MAF1: variants seen among roughly 807,000 people sequenced by gnomAD.
MAF1 encodes MAF1 negative regulator of RNA polymerase III, also known as repressor of RNA polymerase III transcription MAF1 homolog.
A neutral mutation model predicts 31.9 loss-of-function variants in MAF1; 7 were observed. That is an observed-to-expected ratio of 0.22 (90% CI 0.12 to 0.41). The LOEUF is 0.41. MAF1 is among the 10% of genes least tolerant of loss of function. The pLI is 1.00. For synonymous variants in MAF1, 157 were observed against 120.0 expected (o/e 1.31, Z -2.02); for missense variants, 221 against 323.1 (o/e 0.68, Z 2.42).
intron 3 of MAF1, 30 bp from the exon 4 acceptor site, chr8:144,106,046 T>A (rs1291126208): frequency 6.2e-7 from 1 of 1,613,324 alleles, no homozygotes; most frequent in African/African-American, 1.3e-5. Context: ...GGGGAGGTGA[T>A]GGGCCCAGCT....
chr8:144,106,290 C>G, intron 4 of MAF1, 49 bp downstream of exon 4: 1 of 1,612,858 alleles, frequency 6.2e-7, no homozygotes, highest in Non-Finnish European at 8.5e-7. Context: ...CACTGTCCTT[C>G]CCCACTTTGG....
At position 144,106,538 on chromosome 8, in the gene MAF1, C is replaced by A; in HGVS notation, c.501-17C>A. 1 of 1,613,942 alleles carries A rather than the reference C, an allele frequency of 6.2e-7. No homozygotes were observed. Among genetic ancestry groups the A allele is most frequent in the Non-Finnish European group, 8.5e-7 (1 of 1,180,032 alleles). On this transcript the variant is annotated splice_polypyrimidine_tract_variant and intron_variant, in intron 5 of 7. Coordinates refer to ENST00000322428, the MANE Select transcript of MAF1 (RefSeq NM_032272.5). ...GCACTTGGCGCCTCACACCACCTGTCACCCTATACTCCCCAGCTATAACCC... is the reference window on the plus strand; with the variant it reads ...GCACTTGGCGCCTCACACCACCTGTAACCCTATACTCCCCAGCTATAACCC...
chr8:144,107,063 C>T, intron 7 of MAF1, 25 bp from the exon 8 acceptor site: 1 of 1,572,708 alleles, frequency 6.4e-7, no homozygotes, highest in Admixed American at 1.8e-5. Flanking sequence ...TCCTGAAGGC[C>T]CACTGTGTGC....
intron 1 of MAF1, chr8:144,105,415 C>G (rs943008405): frequency 1.9e-6 from 1 of 515,304 alleles, no homozygotes; most frequent in Non-Finnish European, 3.5e-6. Context: ...CTCGCGTGTT[C>G]TGCAGGGGGT....
rs201456256 is a variant in MAF1, at chr8:144,107,153, G to A, written c.*44G>A. ...CCAGCTTCATCCAGCTTCAACCAATGCCTGGACCTGTCCACCTGAGAGGCC... is the reference window on the plus strand; with the variant it reads ...CCAGCTTCATCCAGCTTCAACCAATACCTGGACCTGTCCACCTGAGAGGCC... On this transcript the variant is annotated 3_prime_UTR_variant, in exon 8 of 8. Coordinates refer to ENST00000322428, the MANE Select transcript of MAF1 (RefSeq NM_032272.5). The A allele has an allele frequency of 2.8e-5, 44 of 1,551,774 alleles. No individual in the cohort carries two copies. The Admixed American group carries it at 8.4e-4, about 30-fold the overall frequency.
chr8:144,105,602 C>T, intron 1 of MAF1, 38 bp from the exon 2 acceptor site: 3 of 1,308,450 alleles, frequency 2.3e-6, no homozygotes, highest in Non-Finnish European at 2.2e-6. Flanking sequence ...CCCCAAGGGG[C>T]CAGATAGATA....
chr8:144,106,319 C>G (rs1214271925), intron 4 of MAF1, 24 bp from the exon 5 acceptor site: 1 of 1,612,736 alleles, frequency 6.2e-7, no homozygotes, highest in Non-Finnish European at 8.5e-7. Flanking sequence ...GGGCTCCTGT[C>G]ACCCTGACTG....
chr8:144,105,377 TC>T, intron 1 of MAF1: 1 of 393,924 alleles, frequency 2.5e-6, no homozygotes, highest in Non-Finnish European at 4.7e-6. Context: ...GTGAGCAGGG[TC>T]CCCGGTGGTC....
At chr8:144,106,781 CCAG>C (rs1273933038) in intron 6 of MAF1, 51 bp from the exon 7 acceptor site, 7 of 1,559,122 alleles carry the variant, frequency 4.5e-6, no homozygotes, top group Non-Finnish European at 5.2e-6. Context: ...CTCCCTGGGG[CCAG>C]CAGCAGGCCT....
chr8:144,107,550 G>A lies in MAF1; in HGVS notation c.*441G>A, dbSNP rs1030665868. On this transcript the variant is annotated 3_prime_UTR_variant, in exon 8 of 8. Transcript: ENST00000322428. ...GTACCCCCACCTCGCCCATTTGGCC[G>A]CGTGCACTGAGTGTCACTTTGCTGC... 2 of 610,874 alleles carry A rather than the reference G, an allele frequency of 3.3e-6. No individual in the cohort carries two copies. Among genetic ancestry groups the A allele is most frequent in the Middle Eastern group, 4.3e-4 (1 of 2,306 alleles). The allele number at this position is 610,874 out of a possible 1,614,324, so 37.8% of individuals were successfully genotyped here.
rs1000481167 is a variant in MAF1, at chr8:144,107,419, C to T, written c.*310C>T. On this transcript the variant is annotated 3_prime_UTR_variant, in exon 8 of 8. Transcript: ENST00000322428. Reference sequence around the variant, plus strand: ...GACCGCAGAGTTTATTTTTGTATTTCTACTGGGCCTGCACACTCCAGCCCA... The same window carrying T: ...GACCGCAGAGTTTATTTTTGTATTTTTACTGGGCCTGCACACTCCAGCCCA... 3.4e-6 allele frequency: 2 copies of T among 581,924 alleles called. No individual in the cohort carries two copies. The highest frequency in any genetic ancestry group is 3.1e-6 in the Non-Finnish European group (1 of 325,352). The allele number at this position is 581,924 out of a possible 1,614,324, so 36.0% of individuals were successfully genotyped here. A position where few individuals can be genotyped will look rare whatever the true frequency, so the allele number is the denominator to read the frequency against.
chr8:144,106,130 C>T lies in MAF1; in HGVS notation c.267C>T (p.Ser89=), dbSNP rs1156975386. 3.1e-6 allele frequency: 5 copies of T among 1,613,644 alleles called. No homozygotes were observed. The South Asian group carries it at 3.3e-5, about 11-fold the overall frequency. The change falls in exon 4 of 8, where the codon AGC becomes AGT. Residue 89 remains serine (S), a synonymous_variant. Transcript: ENST00000322428. ...AGGGCCCCCTCAGTGACAAGTGCAG[C>T]CGCAAGACCCTCTTCTACCTGATTG... The part of the protein sequence containing the change: ...EEEGPLSDKC[S]RKTLFYLIAT...
chr8:144,105,193 G>A (rs1836388047), intron 1 of MAF1: 1 of 158,038 alleles, frequency 6.3e-6, no homozygotes, highest in Non-Finnish European at 1.4e-5. Flanking sequence ...GTTCCTAACC[G>A]GGATGCAGCC....
rs1836371079 is a variant in MAF1, at chr8:144,104,562, C to G, written c.-341C>G. ...CGCTCGGCTCGCTGACTCGCCGGAG[C>G]GCTCTGTGGCGGTCGGCGGCAGGTC... On this transcript the variant is annotated 5_prime_UTR_variant, in exon 1 of 8. Transcript: ENST00000322428. 1 of 152,160 alleles carries G rather than the reference C, an allele frequency of 6.6e-6. No homozygotes were observed. 9.4% of individuals were successfully genotyped at this position (152,160 alleles called of 1,614,324 possible).
Position 144,106,665 on chromosome 8 carries a change from G to A in MAF1, c.611G>A (p.Arg204His), listed in dbSNP as rs1191436253. The A allele has an allele frequency of 4.3e-6, 7 of 1,613,010 alleles. No homozygotes were observed. In the Admixed American group the frequency reaches 5.0e-5, roughly 12 times the overall value. Residue 204 changes from arginine (R) to histidine (H), a missense_variant, in exon 6 of 8, where the codon CGT becomes CAT. Arg to His is a conservative substitution (Grantham distance 29, BLOSUM62 0). Coordinates refer to ENST00000322428, the MANE Select transcript of MAF1 (RefSeq NM_032272.5). ...RLKRIVFFSC[R>H]SISGSTYTPS... The stretch of plus-strand genomic sequence containing the variant: ...AAGCGAATCGTCTTCTTTAGCTGCC[G>A]TTCCATCAGGTGGGCACCCCCCGCC...
In MAF1 at chr8:144,106,260, G is replaced by A; in HGVS notation, c.378+19G>A. On this transcript the variant is annotated intron_variant, in intron 4 of 7. Coordinates refer to ENST00000322428, the MANE Select transcript of MAF1 (RefSeq NM_032272.5). Reference sequence around the variant, plus strand: ...TAGCTGGGTGAGGGTCAGGTGGAGGGAAGGGACCCACAGCCACCCCACTGT... The same window carrying A: ...TAGCTGGGTGAGGGTCAGGTGGAGGAAAGGGACCCACAGCCACCCCACTGT... 1 of 1,613,510 alleles carries A rather than the reference G, an allele frequency of 6.2e-7. No individual in the cohort carries two copies. Among genetic ancestry groups the A allele is most frequent in the Non-Finnish European group, 8.5e-7 (1 of 1,179,886 alleles).
At position 144,105,673 on chromosome 8, in the gene MAF1, T is replaced by C. The variant is rs774943933; in HGVS notation, c.-11T>C. 2 of 1,612,922 alleles carry C rather than the reference T, an allele frequency of 1.2e-6. No homozygotes were observed. Among genetic ancestry groups the C allele is most frequent in the Non-Finnish European group, 1.7e-6 (2 of 1,179,648 alleles). Reference sequence around the variant, plus strand: ...AGCCCCTCTGGAGCACGGAGCTCCTTCCCCAAAGACATGAAGCTATTGGAG... The same window carrying C: ...AGCCCCTCTGGAGCACGGAGCTCCTCCCCCAAAGACATGAAGCTATTGGAG... On this transcript the variant is annotated 5_prime_UTR_variant, in exon 2 of 8. Coordinates refer to ENST00000322428, the MANE Select transcript of MAF1 (RefSeq NM_032272.5).
Position 144,105,879 on chromosome 8 carries a change from T to C in MAF1, c.94T>C (p.Tyr32His). 6.2e-7 allele frequency: 1 copy of C among 1,612,946 alleles called. No individual in the cohort carries two copies. Among genetic ancestry groups the C allele is most frequent in the South Asian group, 1.1e-5 (1 of 91,086 alleles). ...DAHIIGRIES[Y>H]SCKMAGDDKH... ...CTCTGCATCCTATAGGATTGAGAGC[T>C]ACTCATGTAAGATGGCAGGAGACGA... The change falls in exon 3 of 8, where the codon TAC becomes CAC. Residue 32 changes from tyrosine to histidine, a missense_variant. Around this residue, in one of 2 missense-constraint regions of MAF1, gnomAD observed 146 missense variants for 263.1 expected, o/e 0.56. Transcript: ENST00000322428.
At position 144,105,707 on chromosome 8, in the gene MAF1, C is replaced by T; in HGVS notation, c.24C>T (p.Ser8=). The T allele has an allele frequency of 6.2e-7, 1 of 1,613,430 alleles. No individual in the cohort carries two copies. Among genetic ancestry groups the T allele is most frequent in the South Asian group, 1.1e-5 (1 of 91,086 alleles). Residue 8 remains serine, a synonymous_variant, in exon 2 of 8, where the codon AGC becomes AGT. Coordinates refer to ENST00000322428, the MANE Select transcript of MAF1 (RefSeq NM_032272.5). The part of the protein sequence containing the change: MKLLENS[S]FEAINSQLTV... ...ACATGAAGCTATTGGAGAACTCGAG[C>T]TTTGAAGCCATCAACTCACAGCTGA...
Sources: allele counts gnomAD v4.1 joint callset, GRCh38; gene constraint gnomAD v4.1.1; regional missense constraint gnomAD v4.1.1; transcripts MANE v1.5; gene names NCBI Gene and HGNC (gene_info 2026-07-23, HGNC 2026-07-21).